The following PDE10A variants were observed in gnomAD, a reference collection of about 807,000 sequenced individuals.
PDE10A encodes the protein cAMP and cAMP-inhibited cGMP 3',5'-cyclic phosphodiesterase 10A.
PDE10A carries 39 observed loss-of-function variants against 97.7 expected under a neutral mutation model. The observed-to-expected ratio is 0.40, with a 90% CI of 0.31 to 0.52. PDE10A has a LOEUF of 0.52. Ranked by LOEUF, PDE10A falls within the 20% of genes least tolerant of loss-of-function variation. The pLI, the probability that PDE10A is intolerant of heterozygous loss-of-function variation, is 0.56. For missense variants in PDE10A, 731 were observed against 1,047.8 expected (o/e 0.70, Z 4.17); for synonymous variants, 371 against 376.8 (o/e 0.98, Z 0.18).
intron 3 of PDE10A, among the ~76,000 whole-genome samples, chr6:165,461,903 C>T (rs1475834418): frequency 1.3e-5 from 2 of 152,338 alleles, no homozygotes; most frequent in African/African-American, 2.4e-5. Context: ...GGAGTTAATC[C>T]TCAAGGACTG....
At position 165,968,493 on chromosome 6, in the gene PDE10A, C is replaced by T. The variant is rs367764970; in HGVS notation, c.-615+19036G>A. ...GAAAATGGGCCAAACATTTTCAACA[C>T]GCTAATTTTCTTTTGACCAAGGAGG... On this transcript the variant is annotated intron_variant, in intron 1 of 19. Transcript: ENST00000366882. Among the ~76,000 whole-genome samples, 7 of 152,172 alleles carry T rather than the reference C, an allele frequency of 4.6e-5. No homozygotes were observed. In the East Asian group the frequency reaches 1.2e-3, roughly 25 times the overall value.
At chr6:165,735,202 G>C (rs537547843) in intron 1 of PDE10A, among the ~76,000 whole-genome samples, 139 of 151,816 alleles carry the variant, frequency 9.2e-4, no homozygotes, top group African/African-American at 3.0e-3. Flanking sequence ...TAGGTAGACA[G>C]GTAGTTAGGT....
chr6:165,477,206 CAG>C (rs1298937650), intron 3 of PDE10A, among the ~76,000 whole-genome samples: 3 of 152,184 alleles, frequency 2.0e-5, no homozygotes, highest in Non-Finnish European at 2.9e-5. Context: ...ATTCCTGTCT[CAG>C]GGCCTTTGCA....
chr6:165,862,150 A>G (rs1318625286), intron 1 of PDE10A, among the ~76,000 whole-genome samples: 1 of 152,260 alleles, frequency 6.6e-6, no homozygotes, highest in Non-Finnish European at 1.5e-5. Context: ...AGAATAACCA[A>G]GTAATATCTT....
chr6:165,788,536 A>AAAG (rs1554321902), intron 1 of PDE10A, among the ~76,000 whole-genome samples: 8 of 147,386 alleles, frequency 5.4e-5, no homozygotes, highest in Middle Eastern at 3.2e-3. Flanking sequence ...AAAAAAAAAA[A>AAAG]AAAGAAAAGA....
rs72442429 is a variant in PDE10A at position 165,823,524 on chromosome 6, A to ATATATATATATATATATATATG, written c.-615+164004_-615+164005insCATATATATATATATATATATA. ...TATATATATATATATATATATATAT[A>ATATATATATATATATATATATG]TGAACCTTAATTATAAATATTATAT... On this transcript the variant is annotated intron_variant, in intron 1 of 19. Transcript: ENST00000366882. Among the ~76,000 whole-genome samples, 29 of 79,480 alleles carry ATATATATATATATATATATATG rather than the reference A, an allele frequency of 3.6e-4. 3 individuals are homozygous for ATATATATATATATATATATATG. Among genetic ancestry groups the ATATATATATATATATATATATG allele is most frequent in the Middle Eastern group, 0.021 (2 of 94 alleles). 52.1% of individuals were successfully genotyped at this position (79,480 alleles called of 152,430 possible). A position where few individuals can be genotyped will look rare whatever the true frequency, so the allele number is the denominator to read the frequency against.
intron 18 of PDE10A, among the ~76,000 whole-genome samples, chr6:165,361,506 T>C (rs1783423483): frequency 6.6e-6 from 1 of 152,242 alleles, no homozygotes; most frequent in African/African-American, 2.4e-5. Flanking sequence ...CCTCAGAACG[T>C]GACCTTATAT....
chr6:165,469,204 G>A (rs766637814), intron 3 of PDE10A, among the ~76,000 whole-genome samples: 8 of 152,100 alleles, frequency 5.3e-5, no homozygotes, highest in Admixed American at 1.3e-4. Context: ...CAAACGGTTC[G>A]CGTCTGTAAT....
At chr6:165,543,396 G>T (rs1459674195) in intron 2 of PDE10A, 44 bp downstream of exon 2, 6 of 1,568,604 alleles carry the variant, frequency 3.8e-6, no homozygotes, top group Non-Finnish European at 4.3e-6. Context: ...TTTGCCGTAA[G>T]ATAGAAAAAG....
intron 18 of PDE10A, among the ~76,000 whole-genome samples, chr6:165,353,541 T>C (rs1254656606): frequency 6.6e-6 from 1 of 152,186 alleles, no homozygotes; most frequent in Non-Finnish European, 1.5e-5. Context: ...CAATGCAATA[T>C]TATTCAATGC....
At chr6:165,792,417 C>T (rs1385497041) in intron 1 of PDE10A, among the ~76,000 whole-genome samples, 1 of 151,610 alleles carries the variant, frequency 6.6e-6, no homozygotes, top group Non-Finnish European at 1.5e-5. Context: ...GCCAGAGGGC[C>T]CGGGGTAGCC....
At chr6:165,708,764 G>A (rs1438088821) in intron 1 of PDE10A, among the ~76,000 whole-genome samples, 2 of 51,518 alleles carry the variant, frequency 3.9e-5, no homozygotes, top group Non-Finnish European at 7.6e-5. Flanking sequence ...ATGCTGCCAC[G>A]CTCACCCCCC....
At chr6:165,385,143 G>A (rs899912118) in intron 17 of PDE10A, among the ~76,000 whole-genome samples, 2 of 152,104 alleles carry the variant, frequency 1.3e-5, no homozygotes, top group Admixed American at 1.3e-4. Context: ...GCTTGTAGGT[G>A]TCTTTTGATG....
At chr6:165,433,698 T>C (rs1789765543) in intron 6 of PDE10A, among the ~76,000 whole-genome samples, 1 of 152,126 alleles carries the variant, frequency 6.6e-6, no homozygotes, top group Non-Finnish European at 1.5e-5. Flanking sequence ...TTTAAAATTT[T>C]CTAGCTTGGC....
At chr6:165,818,414 C>T (rs1053387242) in intron 1 of PDE10A, among the ~76,000 whole-genome samples, 4 of 152,094 alleles carry the variant, frequency 2.6e-5, no homozygotes, top group Admixed American at 6.6e-5. Flanking sequence ...TGCGACTCTG[C>T]GGGGAGTTGT....
intron 1 of PDE10A, among the ~76,000 whole-genome samples, chr6:165,801,088 G>T (rs377537331): frequency 2.6e-5 from 4 of 152,330 alleles, no homozygotes; most frequent in African/African-American, 9.6e-5. Flanking sequence ...TTCCTGAATT[G>T]TTCTCTGAAA....
At position 165,435,261 on chromosome 6, in the gene PDE10A, T is replaced by C; in HGVS notation, c.1311A>G (p.Thr437=). Residue 437 remains threonine, a synonymous_variant, in exon 6 of 22, where the codon ACA becomes ACG. Coordinates refer to ENST00000539869, the MANE Select transcript of PDE10A (RefSeq NM_001385079.1). Reference sequence around the variant, plus strand: ...CTCCAAGGATGTCTTCTACTAGCAGTGTTTTCCTGGACTTGGCCACATAAG... The same window carrying C: ...CTCCAAGGATGTCTTCTACTAGCAGCGTTTTCCTGGACTTGGCCACATAAG... The part of the protein sequence containing the change: ...VSAYVAKSRK[T]LLVEDILGDE... 1 of 1,614,032 alleles carries C rather than the reference T, an allele frequency of 6.2e-7. No individual in the cohort carries two copies. Among genetic ancestry groups the C allele is most frequent in the South Asian group, 1.1e-5 (1 of 91,058 alleles).
chr6:165,658,676 G>A (rs1790084881), intron 1 of PDE10A, among the ~76,000 whole-genome samples: 1 of 152,224 alleles, frequency 6.6e-6, no homozygotes, highest in Non-Finnish European at 1.5e-5. Context: ...TCTGTCCCAC[G>A]TGACTTCTCC....
intron 1 of PDE10A, among the ~76,000 whole-genome samples, chr6:165,675,862 T>C (rs1472374929): frequency 6.6e-6 from 1 of 152,226 alleles, no homozygotes; most frequent in Non-Finnish European, 1.5e-5. Context: ...AGAACCAAAG[T>C]ATAACTAATA....
Sources: allele counts gnomAD v4.1 joint callset (sites outside exome capture counted in the v4.1 genomes callset), GRCh38; gene constraint gnomAD v4.1.1; transcripts MANE v1.5; gene names NCBI Gene and HGNC (gene_info 2026-07-23, HGNC 2026-07-21).